The following EPHA4 variants were observed in gnomAD, a reference collection of about 807,000 sequenced individuals.
EPHA4 encodes the protein EPH receptor A4, also known as ephrin type-A receptor 4.
EPHA4 carries 19 observed loss-of-function variants against 108.3 expected under a neutral mutation model. The observed-to-expected ratio is 0.18, with a 90% CI of 0.12 to 0.26. The LOEUF is 0.26. Ranked by LOEUF, EPHA4 falls within the 10% of genes least tolerant of loss-of-function variation. The pLI, the probability that EPHA4 is intolerant of heterozygous loss-of-function variation, is 1.00. For missense variants in EPHA4, 917 were observed against 1,254.0 expected, an observed-to-expected ratio of 0.73 and a Z score of 4.06; for synonymous variants, 449 against 455.5, an observed-to-expected ratio of 0.99 and a Z score of 0.18.
intron 3 of EPHA4, among the ~76,000 whole-genome samples, chr2:221,545,001 T>A (rs1172974773): frequency 6.6e-6 from 1 of 152,058 alleles, no homozygotes; most frequent in Admixed American, 6.5e-5. Context: ...TGTGAGAAAA[T>A]AAATTGCTGT....
intron 3 of EPHA4, among the ~76,000 whole-genome samples, chr2:221,521,943 T>G (rs1054483319): frequency 2.0e-5 from 3 of 152,092 alleles, no homozygotes; most frequent in Non-Finnish European, 2.9e-5. Flanking sequence ...TGCCACTGCA[T>G]TCCAGCCTGG....
At chr2:221,459,007 T>C (rs2106119718) in intron 5 of EPHA4, among the ~76,000 whole-genome samples, 1 of 152,338 alleles carries the variant, frequency 6.6e-6, no homozygotes, top group African/African-American at 2.4e-5. Flanking sequence ...AAATTAGTGC[T>C]GGGTCATCCT....
chr2:221,500,917 C>T (rs772214018), intron 4 of EPHA4, 100 bp downstream of exon 4: 79 of 1,257,358 alleles, frequency 6.3e-5, no homozygotes, highest in Non-Finnish European at 8.0e-5. Context: ...TCTCAAGTGC[C>T]CCCTGAATGA....
intron 3 of EPHA4, among the ~76,000 whole-genome samples, chr2:221,512,499 G>A (rs1291047560): frequency 1.3e-5 from 2 of 152,152 alleles, no homozygotes; most frequent in Admixed American, 1.3e-4. Context: ...TTTCACAGAG[G>A]ATCAAGCTTT....
chr2:221,487,824 T>G (rs914874402), intron 4 of EPHA4, among the ~76,000 whole-genome samples: 1 of 152,190 alleles, frequency 6.6e-6, no homozygotes, highest in Non-Finnish European at 1.5e-5. Context: ...GGATTCTCTC[T>G]GTGCCTGCAC....
intron 3 of EPHA4, among the ~76,000 whole-genome samples, chr2:221,529,434 ACT>A (rs1186318028): frequency 4.6e-5 from 7 of 152,060 alleles, no homozygotes; most frequent in African/African-American, 1.7e-4. Flanking sequence ...CAGGCTGCCA[ACT>A]CTCTCCACAC....
At position 221,497,576 on chromosome 2, in the gene EPHA4, T is replaced by TAAAAAC. The variant is rs913763761; in HGVS notation, c.979+3435_979+3440dup. Among the ~76,000 whole-genome samples the TAAAAAC allele has an allele frequency of 1.1e-3, 173 of 151,956 alleles. No homozygotes were observed. In the East Asian group the frequency reaches 0.025, roughly 22 times the overall value. On this transcript the variant is annotated intron_variant, in intron 4 of 17. Coordinates refer to ENST00000281821, the MANE Select transcript of EPHA4 (RefSeq NM_004438.5). Reference sequence around the variant, plus strand: ...CGATAGGGTGAAACTCTGTCTCTACTAAAAACAAAAACAAAAACAGGTGTG... The same window carrying TAAAAAC: ...CGATAGGGTGAAACTCTGTCTCTACTAAAAACAAAAACAAAAACAAAAACAGGTGTG...
intron 3 of EPHA4, among the ~76,000 whole-genome samples, chr2:221,545,109 C>T (rs1040661165): frequency 2.0e-5 from 3 of 152,208 alleles, no homozygotes; most frequent in African/African-American, 7.2e-5. Flanking sequence ...TAAAGCCTCT[C>T]AAAACTTGCT....
At chr2:221,444,465 C>T (rs3770189) in intron 9 of EPHA4, among the ~76,000 whole-genome samples, 40,053 of 151,892 alleles carry the variant, frequency 0.26, 5,551 homozygotes, top group African/African-American at 0.35. Context: ...CCAGTCCCTT[C>T]GACTTTCCAA....
chr2:221,490,121 G>A (rs1168033409), intron 4 of EPHA4, among the ~76,000 whole-genome samples: 4 of 141,762 alleles, frequency 2.8e-5, no homozygotes, highest in Non-Finnish European at 6.0e-5. Context: ...ACTCTAGCCT[G>A]AGTGATGAAT....
Position 221,443,671 on chromosome 2 carries a change from CT to C in EPHA4, c.1775-66del, listed in dbSNP as rs199748871. The C allele has an allele frequency of 1.1e-4, 133 of 1,202,010 alleles. No homozygotes were observed. The East Asian group carries it at 1.2e-3, about 11-fold the overall frequency. 74.5% of individuals were successfully genotyped at this position (1,202,010 alleles called of 1,614,324 possible). A position where few individuals can be genotyped will look rare whatever the true frequency, so the allele number is the denominator to read the frequency against. ...GGAACCACTAATAAACATAAATAGTCTGGGTCTAAAATTACCAAACATAGGA... is the reference window on the plus strand; with the variant it reads ...GGAACCACTAATAAACATAAATAGTCGGGTCTAAAATTACCAAACATAGGA... On this transcript the variant is annotated intron_variant, in intron 9 of 17. Transcript: ENST00000281821.
intron 7 of EPHA4, 75 bp downstream of exon 7, chr2:221,456,538 A>G (rs1690957384): frequency 2.0e-6 from 3 of 1,486,200 alleles, no homozygotes; most frequent in South Asian, 2.6e-5. Context: ...AACTCCTTAG[A>G]TTTCACTGTA....
chr2:221,511,293 C>T (rs954817334), intron 3 of EPHA4, among the ~76,000 whole-genome samples: 3 of 152,202 alleles, frequency 2.0e-5, no homozygotes, highest in Non-Finnish European at 2.9e-5. Flanking sequence ...TGTAACCTAA[C>T]TTAGTAGGTA....
chr2:221,548,009 A>T, intron 3 of EPHA4, among the ~76,000 whole-genome samples: 1 of 152,096 alleles, frequency 6.6e-6, no homozygotes, highest in East Asian at 1.9e-4. Context: ...TTATTGAGTG[A>T]TATAGTTTGG....
chr2:221,436,763 C>T (rs113111173), intron 12 of EPHA4, among the ~76,000 whole-genome samples, 155 bp from the exon 13 acceptor site: 134 of 152,274 alleles, frequency 8.8e-4, no homozygotes, highest in African/African-American at 3.0e-3. Context: ...GTCGCTAATT[C>T]ACTAGTAGAC....
At chr2:221,555,176 G>A (rs556471002) in intron 3 of EPHA4, among the ~76,000 whole-genome samples, 2 of 152,262 alleles carry the variant, frequency 1.3e-5, no homozygotes, top group Non-Finnish European at 2.9e-5. Context: ...TGGGGGCAGA[G>A]GTGCATAAAA....
rs1031625216 is a variant in EPHA4, at chr2:221,425,482, C to T, written c.*546G>A. ...AGGAATCCACCAGGCGGCTTGAGCA[C>T]TGAAGAGGCAACACTAATGAGCCAC... On this transcript the variant is annotated 3_prime_UTR_variant, in exon 17 of 18. Transcript: ENST00000281821. 1 of 152,850 alleles carries T rather than the reference C, an allele frequency of 6.5e-6. No homozygotes were observed. Among genetic ancestry groups the T allele is most frequent in the African/African-American group, 2.4e-5 (1 of 41,440 alleles). 9.5% of individuals were successfully genotyped at this position (152,850 alleles called of 1,614,324 possible).
At chr2:221,562,544 A>G (rs1694500166) in intron 3 of EPHA4, among the ~76,000 whole-genome samples, 1 of 152,220 alleles carries the variant, frequency 6.6e-6, no homozygotes, top group Non-Finnish European at 1.5e-5. Flanking sequence ...TTTAACCACC[A>G]AATCAGATGA....
At chr2:221,549,589 A>T (rs1694101010) in intron 3 of EPHA4, among the ~76,000 whole-genome samples, 1 of 152,228 alleles carries the variant, frequency 6.6e-6, no homozygotes, top group Non-Finnish European at 1.5e-5. Context: ...TCTCATTGGC[A>T]GCCAGGGCTC....
Sources: gnomAD v4.1 joint callset for allele counts (sites outside exome capture counted in the v4.1 genomes callset) on GRCh38, gnomAD v4.1.1 for gene constraint, MANE v1.5 for transcripts, NCBI Gene and HGNC (gene_info 2026-07-23, HGNC 2026-07-21) for gene names.